The following SGCZ variants were observed in gnomAD, a reference collection of about 807,000 sequenced individuals.
SGCZ encodes sarcoglycan zeta.
A neutral mutation model predicts 41.3 loss-of-function variants in SGCZ; 40 were observed. That is an observed-to-expected ratio of 0.97 (90% CI 0.75 to 1.26). SGCZ has a LOEUF of 1.26. Among genes scored for constraint, SGCZ ranks in the 50% most tolerant of loss-of-function variants. The probability of loss-of-function intolerance (pLI) is 0.00; values close to 1 mark genes in which losing one functional copy is unlikely to be tolerated. For synonymous variants in SGCZ, 206 were observed against 137.5 expected (o/e 1.50, Z -3.49); for missense variants, 552 against 369.8 (o/e 1.49, Z -4.04).
chr8:14,984,380 T>C (rs542689188), intron 1 of SGCZ, among the ~76,000 whole-genome samples: 3 of 152,312 alleles, frequency 2.0e-5, no homozygotes, highest in Admixed American at 2.0e-4. Context: ...TCCCTGATTG[T>C]CTTATGATAT....
chr8:15,079,006 A>G (rs115998441), intron 1 of SGCZ, among the ~76,000 whole-genome samples: 233 of 152,154 alleles, frequency 1.5e-3, no homozygotes, highest in African/African-American at 5.3e-3. Flanking sequence ...TGTGTTTCAA[A>G]TTATATCTTT....
At chr8:14,243,111 C>T (rs1798950176) in intron 3 of SGCZ, among the ~76,000 whole-genome samples, 1 of 152,182 alleles carries the variant, frequency 6.6e-6, no homozygotes, top group Admixed American at 6.5e-5. Context: ...CATCTGCCTA[C>T]ACATTTTAGA....
chr8:15,063,507 G>C (rs1203069257), intron 1 of SGCZ, among the ~76,000 whole-genome samples: 1 of 152,114 alleles, frequency 6.6e-6, no homozygotes, highest in East Asian at 1.9e-4. Context: ...TTTTATTACA[G>C]TGAAAGGATG....
chr8:14,548,275 G>A (rs867141384), intron 2 of SGCZ, among the ~76,000 whole-genome samples: 3 of 152,236 alleles, frequency 2.0e-5, no homozygotes, highest in Admixed American at 6.5e-5. Flanking sequence ...ACTGCTGAAA[G>A]GTTAGTTGGA....
At chr8:14,459,971 T>C (rs1177374733) in intron 2 of SGCZ, among the ~76,000 whole-genome samples, 1 of 152,068 alleles carries the variant, frequency 6.6e-6, no homozygotes, top group African/African-American at 2.4e-5. Flanking sequence ...GAGACACAAC[T>C]AAACAGAACA....
At chr8:14,202,855 G>C (rs569679755) in intron 4 of SGCZ, among the ~76,000 whole-genome samples, 1 of 152,236 alleles carries the variant, frequency 6.6e-6, no homozygotes, top group African/African-American at 2.4e-5. Context: ...GTTTGGCTGT[G>C]TCTCCACCCA....
intron 1 of SGCZ, among the ~76,000 whole-genome samples, chr8:14,885,434 C>T (rs1316586155): frequency 6.6e-6 from 1 of 152,082 alleles, no homozygotes; most frequent in Non-Finnish European, 1.5e-5. Context: ...ATACATGCTG[C>T]TATGCAAAAC....
At chr8:14,381,451 G>T (rs1424194496) in intron 2 of SGCZ, among the ~76,000 whole-genome samples, 1 of 151,952 alleles carries the variant, frequency 6.6e-6, no homozygotes, top group Non-Finnish European at 1.5e-5. Flanking sequence ...ATAACTCCCT[G>T]TCCTCTAAGA....
intron 1 of SGCZ, among the ~76,000 whole-genome samples, chr8:14,964,768 G>C (rs1801078062): frequency 6.6e-6 from 1 of 152,130 alleles, no homozygotes. Flanking sequence ...AACTCTACTA[G>C]GAGCTGTCAG....
intron 3 of SGCZ, among the ~76,000 whole-genome samples, chr8:14,269,733 G>A (rs1393510828): frequency 6.6e-6 from 1 of 152,140 alleles, no homozygotes; most frequent in Non-Finnish European, 1.5e-5. Flanking sequence ...TCCCCAGTGA[G>A]TGTACAAATG....
At chr8:14,188,709 A>G (rs1804986729) in intron 4 of SGCZ, among the ~76,000 whole-genome samples, 1 of 152,214 alleles carries the variant, frequency 6.6e-6, no homozygotes, top group Non-Finnish European at 1.5e-5. Flanking sequence ...ATATTCCAAT[A>G]AAGCAGTTAA....
chr8:14,699,927 T>C (rs1809081698), intron 1 of SGCZ, among the ~76,000 whole-genome samples: 1 of 151,910 alleles, frequency 6.6e-6, no homozygotes, highest in African/African-American at 2.4e-5. Context: ...CTAGTCAAAA[T>C]CGTTATTATT....
chr8:14,600,987 A>G (rs1339790691), intron 1 of SGCZ, among the ~76,000 whole-genome samples: 1 of 151,062 alleles, frequency 6.6e-6, no homozygotes, highest in Non-Finnish European at 1.5e-5. Flanking sequence ...CTTTTAATGC[A>G]TATGTCTCTA....
In SGCZ at chr8:14,927,102, C is replaced by CTT. The variant is rs71209091; in HGVS notation, c.39+310481_39+310482dup. On this transcript the variant is annotated intron_variant, in intron 1 of 7. Transcript: ENST00000382080. ...TATCAAAGTATCAAAGTTCCTGATTCTTTTTTTTTTTTTTTTTTTTTTGTG... is the reference window on the plus strand; with the variant it reads ...TATCAAAGTATCAAAGTTCCTGATTCTTTTTTTTTTTTTTTTTTTTTTTTGTG... 9.1e-3 allele frequency among the ~76,000 whole-genome samples: 756 copies of CTT among 82,646 alleles called. 5 individuals carry two copies. Among genetic ancestry groups the CTT allele is most frequent in the Middle Eastern group, 0.026 (2 of 78 alleles). The allele number at this position is 82,646 out of a possible 152,430, so 54.2% of individuals were successfully genotyped here.
chr8:14,576,284 G>C (rs1040276285), intron 1 of SGCZ, among the ~76,000 whole-genome samples: 105 of 152,192 alleles, frequency 6.9e-4, no homozygotes, highest in African/African-American at 2.4e-3. Context: ...AAAATGATGA[G>C]AAGTCAATGT....
intron 1 of SGCZ, among the ~76,000 whole-genome samples, chr8:15,196,852 GC>G (rs1800748216): frequency 6.6e-6 from 1 of 152,204 alleles, no homozygotes. Context: ...GCATTCAGCT[GC>G]CAGGTGAGAG....
At chr8:14,888,771 T>C (rs1804902199) in intron 1 of SGCZ, among the ~76,000 whole-genome samples, 1 of 152,190 alleles carries the variant, frequency 6.6e-6, no homozygotes, top group South Asian at 2.1e-4. Flanking sequence ...ACATTGTCTA[T>C]ATACATTCAT....
intron 4 of SGCZ, among the ~76,000 whole-genome samples, chr8:14,237,187 T>G (rs966500171): frequency 2.6e-5 from 4 of 152,146 alleles, no homozygotes; most frequent in African/African-American, 9.7e-5. Context: ...ATTTCATAAT[T>G]CAAGAGTAAT....
chr8:14,285,323 T>G (rs1052540712), intron 3 of SGCZ, among the ~76,000 whole-genome samples: 33 of 152,236 alleles, frequency 2.2e-4, no homozygotes, highest in African/African-American at 7.9e-4. Context: ...CCTGTTTGTT[T>G]GGGACTTATT....
Sources: allele counts gnomAD v4.1 joint callset (sites outside exome capture counted in the v4.1 genomes callset), GRCh38; gene constraint gnomAD v4.1.1; transcripts MANE v1.5; gene names NCBI Gene and HGNC (gene_info 2026-07-23, HGNC 2026-07-21).